The following GKN1 variants were observed in gnomAD, a reference collection of about 807,000 sequenced individuals.
The protein encoded by GKN1 is gastrokine 1, also known as gastrokine-1.
Under a neutral mutation model 19.7 loss-of-function variants are expected in GKN1, and 17 were observed. That is an observed-to-expected ratio of 0.86 (90% CI 0.59 to 1.29). The LOEUF is 1.29. GKN1 is among the 50% of genes most tolerant of loss of function. GKN1 has a pLI of 0.00. For missense variants in GKN1, 218 were observed against 224.5 expected, an observed-to-expected ratio of 0.97 and a Z score of 0.19; for synonymous variants, 96 against 78.3, an observed-to-expected ratio of 1.23 and a Z score of -1.20.
intron 3 of GKN1, 150 bp from the exon 4 acceptor site, chr2:68,978,721 A>G (rs1670314235): frequency 7.2e-6 from 4 of 556,066 alleles, no homozygotes; most frequent in Admixed American, 3.3e-5. Context: ...AGCAATAGAT[A>G]TGATTGCCAA....
At chr2:68,980,157 T>C (rs1179159461) in intron 5 of GKN1, 97 bp downstream of exon 5, 2 of 1,076,110 alleles carry the variant, frequency 1.9e-6, no homozygotes, top group Admixed American at 3.5e-5. Flanking sequence ...GATGCAGGGA[T>C]GGTCATCAAG....
rs779280195 is a variant in GKN1, at chr2:68,977,729, T to C, written c.159T>C (p.Asn53=). The change falls in exon 3 of 6, where the codon AAT becomes AAC. Residue 53 remains asparagine (N), a synonymous_variant. Transcript: ENST00000377938. The part of the protein sequence containing the change: ...NNEHNVANVD[N]NNGWDSWNSI... ...AACACAATGTGGCCAATGTTGACAA[T>C]AACAACGGATGGGACTCCTGGAATT... The C allele has an allele frequency of 5.6e-6, 9 of 1,611,098 alleles. No individual in the cohort carries two copies. Among genetic ancestry groups the C allele is most frequent in the Non-Finnish European group, 6.8e-6 (8 of 1,177,388 alleles).
intron 3 of GKN1, among the ~76,000 whole-genome samples, chr2:68,978,422 C>G (rs1273939089): frequency 6.6e-6 from 1 of 151,854 alleles, no homozygotes; most frequent in Non-Finnish European, 1.5e-5. Context: ...TTAGGAGACC[C>G]AACTCTGGAA....
intron 3 of GKN1, 110 bp downstream of exon 3, chr2:68,977,884 C>A: frequency 1.1e-6 from 1 of 880,498 alleles, no homozygotes; most frequent in Non-Finnish European, 1.8e-6. Flanking sequence ...TCTAATTACA[C>A]ATAGCATACA....
At chr2:68,975,502 G>A (rs72893413) in intron 1 of GKN1, among the ~76,000 whole-genome samples, 1,809 of 152,164 alleles carry the variant, frequency 0.012, 29 homozygotes, top group African/African-American at 0.04. Flanking sequence ...CTCACAACAC[G>A]ATGCAAAGGG....
At chr2:68,979,075 C>A in intron 4 of GKN1, 94 bp downstream of exon 4, 1 of 686,864 alleles carries the variant, frequency 1.5e-6, no homozygotes. Context: ...CTCTTGACTA[C>A]AGTATGTTGT....
At chr2:68,980,381 T>G (rs374963147) in intron 5 of GKN1, among the ~76,000 whole-genome samples, 50 of 152,344 alleles carry the variant, frequency 3.3e-4, no homozygotes, top group African/African-American at 1.1e-3. Context: ...TATGGAACAC[T>G]GCCTTTTAAG....
chr2:68,980,648 A>C (rs1670344807), intron 5 of GKN1, 81 bp from the exon 6 acceptor site: 1 of 740,860 alleles, frequency 1.3e-6, no homozygotes, highest in Admixed American at 2.2e-5. Flanking sequence ...CTAGTTTGGA[A>C]ACCCCTACTC....
At chr2:68,976,886 A>C (rs1341277619) in intron 1 of GKN1, among the ~76,000 whole-genome samples, 3 of 152,174 alleles carry the variant, frequency 2.0e-5, no homozygotes, top group African/African-American at 7.2e-5. Context: ...TTTATATTAC[A>C]TAATATAATT....
In GKN1 at chr2:68,980,857, C is replaced by G. The variant is rs1231996560; in HGVS notation, c.*34C>G. 9.9e-7 allele frequency: 1 copy of G among 1,008,664 alleles called. No homozygotes were observed. The highest frequency in any genetic ancestry group is 1.6e-6 in the Non-Finnish European group (1 of 630,182). 62.5% of individuals were successfully genotyped at this position (1,008,664 alleles called of 1,614,324 possible). ...TTAAAGCCACTATGGATTTAGTCATCTGAATATGCTGTGCAGAAAAAATAT... is the reference window on the plus strand; with the variant it reads ...TTAAAGCCACTATGGATTTAGTCATGTGAATATGCTGTGCAGAAAAAATAT... On this transcript the variant is annotated 3_prime_UTR_variant, in exon 6 of 6. Coordinates refer to ENST00000377938, the MANE Select transcript of GKN1 (RefSeq NM_019617.4).
At chr2:68,978,335 G>A (rs1161349837) in intron 3 of GKN1, among the ~76,000 whole-genome samples, 1 of 150,018 alleles carries the variant, frequency 6.7e-6, no homozygotes, top group East Asian at 1.9e-4. Flanking sequence ...GAGAAAGAGA[G>A]AAGGAAAGAA....
chr2:68,979,502 T>A lies in GKN1; in HGVS notation c.316-411T>A, dbSNP rs73934212. ...GTGAGTGGAAAGAAGAGATCCATAA[T>A]GTTTTAAAATATTTGCCTGAGTTCA... is the stretch of plus-strand genomic sequence containing the variant. On this transcript the variant is annotated intron_variant, in intron 4 of 5. Transcript: ENST00000377938. 5.0e-3 allele frequency among the ~76,000 whole-genome samples: 756 copies of A among 152,340 alleles called. 6 individuals carry two copies. Among genetic ancestry groups the A allele is most frequent in the African/African-American group, 0.018 (728 of 41,578 alleles).
chr2:68,980,635 T>C (rs1182608008), intron 5 of GKN1, 94 bp from the exon 6 acceptor site: 8 of 700,404 alleles, frequency 1.1e-5, no homozygotes, highest in African/African-American at 1.8e-5. Flanking sequence ...CATTAGCACA[T>C]AGCTAGTTTG....
At position 68,978,898 on chromosome 2, in the gene GKN1, A is replaced by G; in HGVS notation, c.232A>G (p.Lys78Glu). The G allele has an allele frequency of 6.2e-7, 1 of 1,609,218 alleles. No homozygotes were observed. The highest frequency in any genetic ancestry group is 1.1e-5 in the South Asian group (1 of 90,482). The change falls in exon 4 of 6, where the codon AAG (lysine) becomes GAG (glutamate). Residue 78 changes from lysine to glutamate, a missense_variant. By Grantham distance (56) the Lys-to-Glu change is moderately conservative. Coordinates refer to ENST00000377938, the MANE Select transcript of GKN1 (RefSeq NM_019617.4). ...CTTTGCTGCAACCAGACTCTTTCAA[A>G]AGAAGACATGCATTGTGCACAAAAT... ...NGFAATRLFQ[K>E]KTCIVHKMNK... is the part of the protein sequence containing the mutation.
chr2:68,979,636 A>G (rs1670329013), intron 4 of GKN1, among the ~76,000 whole-genome samples: 1 of 152,256 alleles, frequency 6.6e-6, no homozygotes, highest in South Asian at 2.1e-4. Flanking sequence ...GGAATCTATG[A>G]TGACCAAATG....
chr2:68,977,532 C>T lies in GKN1; in HGVS notation c.50C>T (p.Pro17Leu). The T allele has an allele frequency of 6.2e-7, 1 of 1,610,990 alleles. No individual in the cohort carries two copies. Among genetic ancestry groups the T allele is most frequent in the Non-Finnish European group, 8.5e-7 (1 of 1,177,346 alleles). Residue 17 changes from proline to leucine, a missense_variant, in exon 2 of 6, where the codon CCT (proline) becomes CTT (leucine). Pro to Leu is a moderately conservative substitution (Grantham distance 98). Coordinates refer to ENST00000377938, the MANE Select transcript of GKN1 (RefSeq NM_019617.4). ...GGACTTCTTGGAGTCTTTCTAGCTC[C>T]TGCCCTAGCTAACTATGTAAGTCTC... ...FAGLLGVFLA[P>L]ALANYNINVN...
At chr2:68,980,384 C>T (rs1002481619) in intron 5 of GKN1, among the ~76,000 whole-genome samples, 1 of 152,126 alleles carries the variant, frequency 6.6e-6, no homozygotes, top group African/African-American at 2.4e-5. Flanking sequence ...GGAACACTGC[C>T]TTTTAAGTGT....
chr2:68,976,539 C>G (rs1670265017), intron 1 of GKN1, among the ~76,000 whole-genome samples: 1 of 152,040 alleles, frequency 6.6e-6, no homozygotes. Flanking sequence ...GTAACATAAG[C>G]CACAGTACAA....
chr2:68,975,715 A>G (rs1310866112), intron 1 of GKN1, among the ~76,000 whole-genome samples: 10 of 152,196 alleles, frequency 6.6e-5, no homozygotes, highest in Non-Finnish European at 1.2e-4. Context: ...GCTGTGAACA[A>G]GAGGTATAAG....
Sources: gnomAD v4.1 joint callset for allele counts (sites outside exome capture counted in the v4.1 genomes callset) on GRCh38, gnomAD v4.1.1 for gene constraint, MANE v1.5 for transcripts, NCBI Gene and HGNC (gene_info 2026-07-23, HGNC 2026-07-21) for gene names.